BRINP2: variants seen among roughly 807,000 people sequenced by gnomAD.
BRINP2 encodes the protein BMP/retinoic acid inducible neural specific 2.
Under a neutral mutation model 69.2 loss-of-function variants are expected in BRINP2, and 21 were observed. The ratio of observed to expected loss-of-function variants is 0.30; its 90% CI spans 0.22 to 0.44. BRINP2 has a LOEUF of 0.44. BRINP2 is among the 20% of genes least tolerant of loss of function. The probability of loss-of-function intolerance (pLI) is 1.00; values close to 1 mark genes in which losing one functional copy is unlikely to be tolerated. For missense variants in BRINP2, 877 were observed against 986.0 expected (o/e 0.89, Z 1.48); for synonymous variants, 380 against 394.1 (o/e 0.96, Z 0.42).
chr1:177,229,400 A>T (rs1649794602), intron 1 of BRINP2, among the ~76,000 whole-genome samples: 1 of 152,186 alleles, frequency 6.6e-6, no homozygotes, highest in East Asian at 1.9e-4. Flanking sequence ...GCAGAAACAG[A>T]TTGAGCATTT....
intron 7 of BRINP2, among the ~76,000 whole-genome samples, chr1:177,279,033 A>C (rs1384481592): frequency 6.6e-6 from 1 of 152,228 alleles, no homozygotes; most frequent in African/African-American, 2.4e-5. Context: ...TTATTCTAGT[A>C]ATACTCTAAT....
chr1:177,178,025 C>G (rs17314596), intron 1 of BRINP2, among the ~76,000 whole-genome samples: 1 of 152,178 alleles, frequency 6.6e-6, no homozygotes, highest in Non-Finnish European at 1.5e-5. Flanking sequence ...TGTAAATTGT[C>G]CTGGGCTCTG....
intron 1 of BRINP2, among the ~76,000 whole-genome samples, chr1:177,220,000 T>A (rs1649478878): frequency 6.6e-6 from 1 of 152,182 alleles, no homozygotes; most frequent in Non-Finnish European, 1.5e-5. Context: ...TTGAAGTAGA[T>A]GACTAAGCCA....
At chr1:177,243,912 T>C (rs1650290138) in intron 2 of BRINP2, among the ~76,000 whole-genome samples, 1 of 149,336 alleles carries the variant, frequency 6.7e-6, no homozygotes, top group Non-Finnish European at 1.5e-5. Context: ...GGACTAGACC[T>C]GGACTCATAT....
intron 1 of BRINP2, among the ~76,000 whole-genome samples, chr1:177,224,982 A>G (rs532958003): frequency 3.3e-5 from 5 of 152,312 alleles, no homozygotes; most frequent in East Asian, 3.9e-4. Flanking sequence ...ATCTATCTCA[A>G]TTGCCAAGAT....
intron 4 of BRINP2, among the ~76,000 whole-genome samples, chr1:177,264,881 A>G (rs1019631274): frequency 6.6e-6 from 1 of 152,232 alleles, no homozygotes; most frequent in African/African-American, 2.4e-5. Flanking sequence ...CATACTGCCC[A>G]AAGTAATTTA....
intron 4 of BRINP2, among the ~76,000 whole-genome samples, chr1:177,271,944 A>C (rs1330356956): frequency 6.6e-6 from 1 of 152,022 alleles, no homozygotes; most frequent in African/African-American, 2.4e-5. Context: ...CTCTCACTTT[A>C]TCACTCTGCT....
intron 1 of BRINP2, among the ~76,000 whole-genome samples, chr1:177,179,059 C>T (rs1237779712): frequency 6.6e-6 from 1 of 152,122 alleles, no homozygotes; most frequent in East Asian, 1.9e-4. Context: ...GTAACTTGCC[C>T]AAGACCACAC....
intron 1 of BRINP2, among the ~76,000 whole-genome samples, chr1:177,195,159 A>G (rs539835171): frequency 6.6e-6 from 1 of 152,222 alleles, no homozygotes; most frequent in Non-Finnish European, 1.5e-5. Flanking sequence ...TTGGTTCTAA[A>G]TGACATTTTA....
chr1:177,199,722 G>T (rs1442825509), intron 1 of BRINP2, among the ~76,000 whole-genome samples: 1 of 152,150 alleles, frequency 6.6e-6, no homozygotes, highest in African/African-American at 2.4e-5. Flanking sequence ...AGATTGTTTT[G>T]TTGATGTACA....
chr1:177,191,389 C>T (rs561123342), intron 1 of BRINP2, among the ~76,000 whole-genome samples: 164 of 152,162 alleles, frequency 1.1e-3, no homozygotes, highest in African/African-American at 2.9e-3. Flanking sequence ...CTGTAGTAGC[C>T]CTTGGGGAAA....
intron 1 of BRINP2, among the ~76,000 whole-genome samples, chr1:177,204,423 A>C (rs916698220): frequency 2.0e-5 from 3 of 152,042 alleles, no homozygotes; most frequent in African/African-American, 7.2e-5. Context: ...AGCTTTGAGA[A>C]ACTCCAATTG....
intron 1 of BRINP2, among the ~76,000 whole-genome samples, chr1:177,215,038 C>T (rs761922207): frequency 2.0e-5 from 3 of 152,158 alleles, no homozygotes; most frequent in Admixed American, 6.5e-5. Context: ...GCTTTGTACA[C>T]TTGGACTATC....
intron 1 of BRINP2, among the ~76,000 whole-genome samples, chr1:177,211,987 C>A (rs1649234055): frequency 6.6e-6 from 1 of 151,990 alleles, no homozygotes; most frequent in Non-Finnish European, 1.5e-5. Flanking sequence ...TAAAAGGTTT[C>A]TTTTCTTTCT....
chr1:177,189,777 A>ACTGTCACTAAAGCAGGTTGT (rs1174480213), intron 1 of BRINP2, among the ~76,000 whole-genome samples: 8 of 152,174 alleles, frequency 5.3e-5, no homozygotes, highest in Non-Finnish European at 1.5e-5. Flanking sequence ...CTCCAGAGAG[A>ACTGTCACTAAAGCAGGTTGT]CTGTCACTAA....
At chr1:177,193,988 C>T (rs1182742839) in intron 1 of BRINP2, among the ~76,000 whole-genome samples, 1 of 152,186 alleles carries the variant, frequency 6.6e-6, no homozygotes, top group Non-Finnish European at 1.5e-5. Context: ...AATTGGAACC[C>T]AGTTCCCATT....
In BRINP2 at chr1:177,257,303, G is replaced by T. The variant is rs1379341846; in HGVS notation, c.588G>T (p.Gln196His). Residue 196 changes from glutamine (Q) to histidine (H), a missense_variant, in exon 4 of 8, where the codon CAG becomes CAT. By Grantham distance (24) the Gln-to-His change is conservative (BLOSUM62 0). Transcript: ENST00000361539. ...CTGTGTCCCTGGAGACCCTGCACCA[G>T]CTGGCCGCCTCCTACTTCATCGACA... ...STAVSLETLH[Q>H]LAASYFIDRE... 1 of 1,614,102 alleles carries T rather than the reference G, an allele frequency of 6.2e-7. No individual in the cohort carries two copies. Among genetic ancestry groups the T allele is most frequent in the Non-Finnish European group, 8.5e-7 (1 of 1,180,034 alleles).
In BRINP2 at chr1:177,281,450, G is replaced by T; in HGVS notation, c.2274G>T (p.Arg758Ser). ...AGCTGGCCAACAATGAGGTGGGCAG[G>T]ATCCAGTCCTCCCTGAGGGCTTTCA... ...RLKLANNEVG[R>S]IQSSLRAFNS... The change falls in exon 8 of 8, where the codon AGG becomes AGT. Residue 758 changes from arginine (R) to serine (S), a missense_variant. By Grantham distance (110) the Arg-to-Ser change is moderately radical (BLOSUM62 -1). This residue lies in a region of BRINP2 where 225 missense variants were observed against 218.7 expected (regional missense o/e 1.03). Transcript: ENST00000361539. The T allele has an allele frequency of 3.1e-6, 5 of 1,613,904 alleles. No homozygotes were observed. The highest frequency in any genetic ancestry group is 4.2e-6 in the Non-Finnish European group (5 of 1,180,036).
intron 6 of BRINP2, 33 bp downstream of exon 6, chr1:177,276,467 AG>A (rs768395894): frequency 1.1e-5 from 17 of 1,594,744 alleles, no homozygotes; most frequent in Non-Finnish European, 1.4e-5. Flanking sequence ...TGTCAATGAG[AG>A]GTGGCTGTGA....
Sources: allele counts gnomAD v4.1 joint callset (sites outside exome capture counted in the v4.1 genomes callset), GRCh38; gene constraint gnomAD v4.1.1; regional missense constraint gnomAD v4.1.1; transcripts MANE v1.5; gene names NCBI Gene and HGNC (gene_info 2026-07-23, HGNC 2026-07-21).